SLC30A7: variants seen among roughly 807,000 people sequenced by gnomAD.
SLC30A7 encodes solute carrier family 30 member 7, also known as zinc transporter 7.
A neutral mutation model predicts 46.0 loss-of-function variants in SLC30A7; 35 were observed. The observed-to-expected ratio is 0.76, with a 90% CI of 0.58 to 1.01. The LOEUF is 1.01. Ranked by LOEUF, SLC30A7 falls within the 50% of genes least tolerant of loss-of-function variation. The pLI is 0.00. For synonymous variants in SLC30A7, 147 were observed against 157.8 expected (o/e 0.93, Z 0.51); for missense variants, 464 against 451.1 (o/e 1.03, Z -0.26).
At chr1:100,964,715 G>A (rs1190662757) in intron 9 of SLC30A7, among the ~76,000 whole-genome samples, 1 of 152,170 alleles carries the variant, frequency 6.6e-6, no homozygotes, top group Non-Finnish European at 1.5e-5. Context: ...TGCCACATAT[G>A]GAAGTAGGAG....
intron 3 of SLC30A7, among the ~76,000 whole-genome samples, chr1:100,909,654 A>G (rs1651950737): frequency 6.6e-6 from 1 of 152,104 alleles, no homozygotes; most frequent in African/African-American, 2.4e-5. Flanking sequence ...AACCAAGTTT[A>G]ACAAATATAT....
downstream of SLC30A7, among the ~76,000 whole-genome samples, chr1:100,984,423 G>A (rs1347748903): frequency 6.6e-6 from 1 of 152,198 alleles, no homozygotes; most frequent in African/African-American, 2.4e-5. Context: ...TCATAAAGTT[G>A]TTTATGAACC....
intron 5 of SLC30A7, 118 bp downstream of exon 5, chr1:100,912,356 A>G (rs551984622): frequency 1.5e-5 from 18 of 1,168,988 alleles, no homozygotes; most frequent in East Asian, 7.1e-5. Flanking sequence ...CTATGTGAAT[A>G]TCTTCCTGAA....
intron 8 of SLC30A7, among the ~76,000 whole-genome samples, chr1:100,958,333 C>T (rs1446498021): frequency 4.6e-5 from 7 of 152,128 alleles, no homozygotes; most frequent in African/African-American, 9.7e-5. Context: ...CCGGCCATCA[C>T]GCCCAGCTAA....
chr1:100,961,687 A>C lies in SLC30A7; in HGVS notation c.843-141A>C, dbSNP rs534638299. The C allele has an allele frequency of 1.3e-3, 571 of 456,164 alleles. 1 individual carries two copies. Among genetic ancestry groups the C allele is most frequent in the Non-Finnish European group, 1.9e-3 (476 of 254,526 alleles). 28.3% of individuals were successfully genotyped at this position (456,164 alleles called of 1,614,324 possible). A position where few individuals can be genotyped will look rare whatever the true frequency, so the allele number is the denominator to read the frequency against. On this transcript the variant is annotated intron_variant, in intron 8 of 10. Transcript: ENST00000357650. ...ACTGATCACGTGGAAAATCTAAAAC[A>C]ATGACTGGTTGATTGTTTTTTCTCA...
chr1:100,912,232 G>C lies in SLC30A7; in HGVS notation c.505G>C (p.Gly169Arg). The C allele has an allele frequency of 6.2e-7, 1 of 1,613,710 alleles. No individual in the cohort carries two copies. The highest frequency in any genetic ancestry group is 8.5e-7 in the Non-Finnish European group (1 of 1,179,816). Reference sequence around the variant, plus strand: ...ACATGGAGGTCATGGACATTCTCATGGCTCTGGTATGATGGTTAGGACACT... The same window carrying C: ...ACATGGAGGTCATGGACATTCTCATCGCTCTGGTATGATGGTTAGGACACT... ...FKHGGHGHSH[G>R]SGHGHSHSLF... Residue 169 changes from glycine (G) to arginine (R), a missense_variant, in exon 5 of 11, where the codon GGC becomes CGC. Coordinates refer to ENST00000357650, the MANE Select transcript of SLC30A7 (RefSeq NM_133496.5).
At chr1:100,926,792 A>G (rs1455566247) in intron 8 of SLC30A7, among the ~76,000 whole-genome samples, 1 of 144,258 alleles carries the variant, frequency 6.9e-6, no homozygotes, top group Non-Finnish European at 1.5e-5. Context: ...TGGAGCTTAC[A>G]TTTTAATAGG....
At chr1:100,925,875 C>G (rs1240973059) in intron 8 of SLC30A7, among the ~76,000 whole-genome samples, 1 of 152,136 alleles carries the variant, frequency 6.6e-6, no homozygotes, top group Non-Finnish European at 1.5e-5. Flanking sequence ...ATAGTCCACA[C>G]CTGGATTTAA....
At chr1:100,961,412 C>T (rs1655542727) in intron 8 of SLC30A7, among the ~76,000 whole-genome samples, 1 of 152,040 alleles carries the variant, frequency 6.6e-6, no homozygotes, top group African/African-American at 2.4e-5. Context: ...CGCCAGGCTT[C>T]TATATTTTTT....
In SLC30A7 at chr1:100,976,095, A is replaced by G. The variant is rs541530716; in HGVS notation, c.*1238A>G. On this transcript the variant is annotated 3_prime_UTR_variant, in exon 11 of 11. Transcript: ENST00000357650. ...AACTTTGCAAATTCATCTGTTACAC[A>G]GAAAATTTTGACTTAAAACATCTGC... 2.0e-5 allele frequency: 3 copies of G among 152,600 alleles called. No individual in the cohort carries two copies. The East Asian group carries it at 5.8e-4, about 29-fold the overall frequency. The allele number at this position is 152,600 out of a possible 1,614,324, so 9.5% of individuals were successfully genotyped here.
chr1:100,930,897 C>T (rs1163298605), intron 8 of SLC30A7, among the ~76,000 whole-genome samples: 3 of 152,078 alleles, frequency 2.0e-5, no homozygotes, highest in African/African-American at 7.2e-5. Flanking sequence ...AACAGCCTTT[C>T]TCAATTGGGA....
intron 8 of SLC30A7, among the ~76,000 whole-genome samples, chr1:100,928,625 G>C (rs2101041858): frequency 6.6e-6 from 1 of 151,270 alleles, no homozygotes; most frequent in South Asian, 2.1e-4. Flanking sequence ...TAATATTTTT[G>C]TTTGTATTAT....
intron 10 of SLC30A7, among the ~76,000 whole-genome samples, chr1:100,974,585 G>T (rs573022073): frequency 2.4e-4 from 36 of 152,116 alleles, no homozygotes; most frequent in African/African-American, 8.2e-4. Flanking sequence ...TGGATATCTG[G>T]ATAGGGTGTG....
chr1:100,907,511 G>C (rs1651756274), intron 3 of SLC30A7, among the ~76,000 whole-genome samples: 1 of 151,974 alleles, frequency 6.6e-6, no homozygotes, highest in African/African-American at 2.4e-5. Flanking sequence ...AGGAAGCAGT[G>C]GATTTTTCAT....
the SLC30A7 span, among the ~76,000 whole-genome samples, chr1:100,991,788 C>CAAAAGAAAAAA: frequency 9.9e-6 from 1 of 101,066 alleles, no homozygotes; most frequent in African/African-American, 4.0e-5. Context: ...GACCCCATCT[C>CAAAAGAAAAAA]AAAAAAAAAA....
At chr1:100,924,506 C>T (rs555726261) in intron 8 of SLC30A7, among the ~76,000 whole-genome samples, 1 of 152,080 alleles carries the variant, frequency 6.6e-6, no homozygotes, top group East Asian at 1.9e-4. Context: ...TTTCCTGATT[C>T]TCTACCTCCC....
At chr1:100,911,493 A>T (rs1430188826) in intron 4 of SLC30A7, among the ~76,000 whole-genome samples, 1 of 152,202 alleles carries the variant, frequency 6.6e-6, no homozygotes, top group Non-Finnish European at 1.5e-5. Flanking sequence ...TTTTTTAAAA[A>T]GGAAGAAGAC....
Position 100,977,556 on chromosome 1 carries a change from T to C in SLC30A7, c.*2699T>C, listed in dbSNP as rs1159006757. On this transcript the variant is annotated 3_prime_UTR_variant, in exon 11 of 11. Transcript: ENST00000357650. Reference sequence around the variant, plus strand: ...CCAGATTATTGTTATAAAATTAATTTACAATGTCCCTGATATTGAGCTAAC... The same window carrying C: ...CCAGATTATTGTTATAAAATTAATTCACAATGTCCCTGATATTGAGCTAAC... 6.6e-6 allele frequency: 1 copy of C among 152,160 alleles called. No homozygotes were observed. Among genetic ancestry groups the C allele is most frequent in the South Asian group, 2.1e-4 (1 of 4,832 alleles). 9.4% of individuals were successfully genotyped at this position (152,160 alleles called of 1,614,324 possible). A position where few individuals can be genotyped will look rare whatever the true frequency, so the allele number is the denominator to read the frequency against.
At chr1:100,912,323 T>C (rs1652157987) in intron 5 of SLC30A7, 85 bp downstream of exon 5, 10 of 1,434,970 alleles carry the variant, frequency 7.0e-6, no homozygotes, top group Non-Finnish European at 9.6e-7. Context: ...AGTTAAACTA[T>C]ACTGATTTCT....
Sources: gnomAD v4.1 joint callset for allele counts (sites outside exome capture counted in the v4.1 genomes callset) on GRCh38, gnomAD v4.1.1 for gene constraint, MANE v1.5 for transcripts, NCBI Gene and HGNC (gene_info 2026-07-23, HGNC 2026-07-21) for gene names.